Variants in EXT1 observed in about 807,000 individuals in gnomAD.
The protein encoded by EXT1 is exostosin-1.
Under a neutral mutation model 82.5 loss-of-function variants are expected in EXT1, and 20 were observed. The observed-to-expected ratio is 0.24, with a 90% CI of 0.17 to 0.35. The LOEUF (loss-of-function observed/expected upper bound fraction) is 0.35, where lower values mean the gene tolerates loss of function less well. Among genes scored for constraint, EXT1 ranks in the 10% least tolerant of loss-of-function variants. The probability of loss-of-function intolerance (pLI) is 1.00; values close to 1 mark genes in which losing one functional copy is unlikely to be tolerated. For missense variants in EXT1, 757 were observed against 936.5 expected, an observed-to-expected ratio of 0.81 and a Z score of 2.50; for synonymous variants, 348 against 350.8, an observed-to-expected ratio of 0.99 and a Z score of 0.09.
intron 1 of EXT1, among the ~76,000 whole-genome samples, chr8:117,880,286 C>T (rs182317855): frequency 6.1e-4 from 93 of 152,280 alleles, no homozygotes; most frequent in African/African-American, 1.5e-3. Context: ...CCAAAGACAG[C>T]GTGCTGAATG....
intron 1 of EXT1, among the ~76,000 whole-genome samples, chr8:117,846,119 C>A (rs755792526): frequency 1.3e-5 from 2 of 151,918 alleles, no homozygotes; most frequent in Non-Finnish European, 2.9e-5. Context: ...TTTTTTCCCC[C>A]CTTTGAGCAG....
Position 117,812,907 on chromosome 8 carries a change from T to A in EXT1, c.1687A>T (p.Ser563Cys). Residue 563 changes from serine to cysteine, a missense_variant, in exon 8 of 11, where the codon AGC becomes TGC. Physicochemically the swap from Ser to Cys is moderately radical, Grantham distance 112. Transcript: ENST00000378204. ...YDNIITDAVL[S>C]LDEDTVLSTT... Reference sequence around the variant, plus strand: ...GAAAGCACCGTGTCCTCGTCAAGGCTGAGCACGGCGTCTGTGATGATGTTG... The same window carrying A: ...GAAAGCACCGTGTCCTCGTCAAGGCAGAGCACGGCGTCTGTGATGATGTTG... 6.2e-7 allele frequency: 1 copy of A among 1,614,096 alleles called. No homozygotes were observed. The highest frequency in any genetic ancestry group is 1.7e-4 in the Middle Eastern group (1 of 6,052).
At chr8:117,838,728 T>C (rs931095459) in intron 1 of EXT1, among the ~76,000 whole-genome samples, 1 of 152,136 alleles carries the variant, frequency 6.6e-6, no homozygotes, top group Admixed American at 6.6e-5. Context: ...AGTTCAAATG[T>C]TGATAATGTT....
chr8:117,934,465 G>T (rs1814121378), intron 1 of EXT1, among the ~76,000 whole-genome samples: 1 of 152,198 alleles, frequency 6.6e-6, no homozygotes, highest in Admixed American at 6.5e-5. Flanking sequence ...AGCAGACCAG[G>T]ACGTGGTTTC....
chr8:117,886,635 A>AT (rs1354104103), intron 1 of EXT1, among the ~76,000 whole-genome samples: 1 of 152,212 alleles, frequency 6.6e-6, no homozygotes. Context: ...CACTTTAGAG[A>AT]TAAAAACTAG....
chr8:117,888,962 T>C (rs545384306), intron 1 of EXT1, among the ~76,000 whole-genome samples: 3 of 152,330 alleles, frequency 2.0e-5, no homozygotes, highest in South Asian at 2.1e-4. Context: ...TCTGATGATA[T>C]TCCTACGGTC....
intron 1 of EXT1, among the ~76,000 whole-genome samples, chr8:118,052,335 A>T (rs1586365307): frequency 6.6e-6 from 1 of 152,350 alleles, no homozygotes; most frequent in East Asian, 1.9e-4. Flanking sequence ...CTTTATTTCA[A>T]TGAATAGGCC....
intron 1 of EXT1, among the ~76,000 whole-genome samples, chr8:118,014,770 T>C (rs966897173): frequency 1.3e-5 from 2 of 152,050 alleles, no homozygotes; most frequent in African/African-American, 4.8e-5. Flanking sequence ...CCTCGTGTGG[T>C]TCTTAAACCC....
chr8:117,934,360 G>C (rs567178217), intron 1 of EXT1, among the ~76,000 whole-genome samples: 2 of 152,356 alleles, frequency 1.3e-5, no homozygotes, highest in Non-Finnish European at 2.9e-5. Context: ...TAAGAGAAGG[G>C]GGAAGCAGGC....
chr8:117,982,316 C>T (rs1815226250), intron 1 of EXT1, among the ~76,000 whole-genome samples: 1 of 152,186 alleles, frequency 6.6e-6, no homozygotes, highest in Admixed American at 6.5e-5. Flanking sequence ...CACTTGCGTC[C>T]TTGCCTACGC....
rs78254387 is a variant in EXT1, at chr8:117,952,243, C to T, written c.963-115042G>A. Among the ~76,000 whole-genome samples the T allele has an allele frequency of 9.5e-3, 1,443 of 152,282 alleles. 23 individuals are homozygous for T. The highest frequency in any genetic ancestry group is 0.033 in the African/African-American group (1,366 of 41,540). On this transcript the variant is annotated intron_variant, in intron 1 of 10. Transcript: ENST00000378204. ...TCTTTATTAAATAGCATACACATTA[C>T]TGGTATAGGTAATAAATTATGAAAT...
At chr8:118,054,902 TA>T (rs60208260) in intron 1 of EXT1, among the ~76,000 whole-genome samples, 3,110 of 152,186 alleles carry the variant, frequency 0.02, 113 homozygotes, top group African/African-American at 0.071. Flanking sequence ...TCTCTTTTAT[TA>T]CTCCCACACA....
At chr8:117,937,151 A>G (rs1379515998) in intron 1 of EXT1, among the ~76,000 whole-genome samples, 2 of 152,200 alleles carry the variant, frequency 1.3e-5, no homozygotes, top group African/African-American at 4.8e-5. Context: ...CTTGTTTGGC[A>G]TATTTTCCCA....
chr8:117,935,839 G>C (rs928598152), intron 1 of EXT1, among the ~76,000 whole-genome samples: 4 of 152,008 alleles, frequency 2.6e-5, no homozygotes, highest in African/African-American at 9.7e-5. Flanking sequence ...CAATATACTG[G>C]AATATAAACA....
At chr8:118,056,680 G>T (rs1488706170) in intron 1 of EXT1, among the ~76,000 whole-genome samples, 5 of 152,130 alleles carry the variant, frequency 3.3e-5, no homozygotes, top group African/African-American at 1.2e-4. Flanking sequence ...AGTGCTGGGG[G>T]GTCCTCTGGC....
At chr8:118,104,384 G>A (rs1464053366) in intron 1 of EXT1, among the ~76,000 whole-genome samples, 1 of 152,170 alleles carries the variant, frequency 6.6e-6, no homozygotes, top group Non-Finnish European at 1.5e-5. Flanking sequence ...CCTGAAGCAT[G>A]TACATGTTCC....
Position 117,886,764 on chromosome 8 carries a change from A to G in EXT1, c.963-49563T>C, listed in dbSNP as rs28357267. On this transcript the variant is annotated intron_variant, in intron 1 of 10. Coordinates refer to ENST00000378204, the MANE Select transcript of EXT1 (RefSeq NM_000127.3). ...GCAATTATGTCCATTCCCATTTGTC[A>G]ATTTCAGAAGGGGTGGTTTCTACCT... Among the ~76,000 whole-genome samples the G allele has an allele frequency of 9.2e-5, 14 of 152,274 alleles. No homozygotes were observed. The East Asian group carries it at 2.5e-3, about 27-fold the overall frequency.
At chr8:118,001,630 ATTT>A (rs1012722097) in intron 1 of EXT1, among the ~76,000 whole-genome samples, 13 of 152,146 alleles carry the variant, frequency 8.5e-5, no homozygotes, top group African/African-American at 3.1e-4. Flanking sequence ...TTTTAAAATA[ATTT>A]TTATCTTATT....
chr8:118,023,872 C>T (rs1816154513), intron 1 of EXT1, among the ~76,000 whole-genome samples: 1 of 152,330 alleles, frequency 6.6e-6, no homozygotes, highest in Non-Finnish European at 1.5e-5. Context: ...TTAGCAATGC[C>T]ATTTCTTCCT....
Sources: allele counts gnomAD v4.1 joint callset (sites outside exome capture counted in the v4.1 genomes callset), GRCh38; gene constraint gnomAD v4.1.1; transcripts MANE v1.5; gene names NCBI Gene and HGNC (gene_info 2026-07-23, HGNC 2026-07-21).